Variants in PAPOLA observed in about 807,000 individuals in gnomAD.
PAPOLA encodes the protein poly(A) polymerase alpha.
PAPOLA carries 15 observed loss-of-function variants against 100.6 expected under a neutral mutation model. The observed-to-expected ratio is 0.15, with a 90% CI of 0.10 to 0.23. The LOEUF is 0.23. Among genes scored for constraint, PAPOLA ranks in the 10% least tolerant of loss-of-function variants. The pLI, the probability that PAPOLA is intolerant of heterozygous loss-of-function variation, is 1.00. For synonymous variants in PAPOLA, 293 were observed against 300.0 expected, an observed-to-expected ratio of 0.98 and a Z score of 0.24; for missense variants, 533 against 884.2, an observed-to-expected ratio of 0.60 and a Z score of 5.04.
intron 3 of PAPOLA, among the ~76,000 whole-genome samples, chr14:96,524,213 T>C (rs752431721): frequency 4.6e-5 from 7 of 152,068 alleles, no homozygotes; most frequent in Non-Finnish European, 7.4e-5. Flanking sequence ...CTTCATAAAA[T>C]TGTTTTTGTT....
intron 4 of PAPOLA, among the ~76,000 whole-genome samples, 161 bp downstream of exon 4, chr14:96,525,552 C>T (rs1480202417): frequency 6.6e-6 from 1 of 152,078 alleles, no homozygotes; most frequent in Non-Finnish European, 1.5e-5. Flanking sequence ...TAAAATAATG[C>T]TGACTTCTAT....
intron 1 of PAPOLA, among the ~76,000 whole-genome samples, chr14:96,512,566 T>C (rs939995461): frequency 1.3e-5 from 2 of 152,198 alleles, no homozygotes; most frequent in African/African-American, 2.4e-5. Context: ...TTGGGAATAA[T>C]GTAAAGTGCT....
chr14:96,531,482 T>C lies in PAPOLA; in HGVS notation c.503T>C (p.Ile168Thr), dbSNP rs1899012141. The change falls in exon 7 of 22, where the codon ATT (isoleucine) becomes ACT (threonine). Residue 168 changes from isoleucine to threonine, a missense_variant. Coordinates refer to ENST00000216277, the MANE Select transcript of PAPOLA (RefSeq NM_032632.5). ...GTTTTGTTTGTGTTTCAGATTGATATTTTGTTTGCAAGATTAGCACTGCAG... is the reference window on the plus strand; with the variant it reads ...GTTTTGTTTGTGTTTCAGATTGATACTTTGTTTGCAAGATTAGCACTGCAG... ...KLCFDGIEIDILFARLALQTI... is the reference protein window; with the variant it reads ...KLCFDGIEIDTLFARLALQTI... 6.2e-7 allele frequency: 1 copy of C among 1,602,440 alleles called. No homozygotes were observed. The highest frequency in any genetic ancestry group is 1.7e-5 in the Admixed American group (1 of 58,652).
intron 5 of PAPOLA, 101 bp from the exon 6 acceptor site, chr14:96,527,852 A>T: frequency 4.9e-6 from 4 of 821,830 alleles, no homozygotes; most frequent in Non-Finnish European, 8.7e-6. Flanking sequence ...CCAGTCTTAA[A>T]GCTAGCTATT....
intron 12 of PAPOLA, 140 bp from the exon 13 acceptor site, chr14:96,542,103 T>TA: frequency 2.0e-6 from 1 of 495,690 alleles, no homozygotes; most frequent in Non-Finnish European, 3.7e-6. Context: ...TATATGATTT[T>TA]ATGTGCATAT....
chr14:96,556,508 A>C (rs1250955927), intron 19 of PAPOLA, 95 bp downstream of exon 19: 10 of 831,234 alleles, frequency 1.2e-5, no homozygotes, highest in Middle Eastern at 3.1e-4. Context: ...AAAATAGAGA[A>C]GGATCAAGGA....
Position 96,532,942 on chromosome 14 carries a change from A to G in PAPOLA, c.836+293A>G, listed in dbSNP as rs893575457. On this transcript the variant is annotated intron_variant, in intron 9 of 21. Transcript: ENST00000216277. ...ATCCAATTTATTGATAGGTTGGGAAATCAGTTACTATACTTTTGGATAAAA... is the reference window on the plus strand; with the variant it reads ...ATCCAATTTATTGATAGGTTGGGAAGTCAGTTACTATACTTTTGGATAAAA... 1.8e-5 allele frequency: 20 copies of G among 1,083,774 alleles called. No homozygotes were observed. The highest frequency in any genetic ancestry group is 4.1e-4 in the Middle Eastern group (1 of 2,416). The allele number at this position is 1,083,774 out of a possible 1,614,324, so 67.1% of individuals were successfully genotyped here. A position where few individuals can be genotyped will look rare whatever the true frequency, so the allele number is the denominator to read the frequency against.
At chr14:96,534,656 A>T (rs1899361788) in intron 10 of PAPOLA, 93 bp downstream of exon 10, 3 of 1,598,332 alleles carry the variant, frequency 1.9e-6, no homozygotes, top group Admixed American at 1.7e-5. Context: ...CCAGCCTTTT[A>T]CTTATGAATG....
chr14:96,532,858 A>T, intron 9 of PAPOLA: 10 of 1,283,468 alleles, frequency 7.8e-6, no homozygotes, highest in Non-Finnish European at 9.8e-6. Flanking sequence ...GGCAGATTCT[A>T]TTTGTACTTC....
chr14:96,517,263 T>C (rs1245946303), intron 1 of PAPOLA, among the ~76,000 whole-genome samples: 1 of 152,208 alleles, frequency 6.6e-6, no homozygotes, highest in African/African-American at 2.4e-5. Flanking sequence ...TGAAGGACTG[T>C]AGTTTATTCA....
At chr14:96,512,915 T>C (rs772217681) in intron 1 of PAPOLA, among the ~76,000 whole-genome samples, 3 of 152,194 alleles carry the variant, frequency 2.0e-5, no homozygotes, top group Non-Finnish European at 4.4e-5. Flanking sequence ...CCAAAGAAGC[T>C]CCCTTTTTAG....
intron 10 of PAPOLA, chr14:96,534,885 T>C: frequency 9.5e-7 from 1 of 1,052,704 alleles, no homozygotes; most frequent in African/African-American, 1.7e-5. Flanking sequence ...AAAAGGATAC[T>C]AAAAATCCCT....
Position 96,566,434 on chromosome 14 carries a change from C to T in PAPOLA, c.*1384C>T, listed in dbSNP as rs1902280401. The T allele has an allele frequency of 6.6e-6, 1 of 152,582 alleles. No individual in the cohort carries two copies. Among genetic ancestry groups the T allele is most frequent in the Admixed American group, 6.6e-5 (1 of 15,264 alleles). 9.5% of individuals were successfully genotyped at this position (152,582 alleles called of 1,614,324 possible). ...TAAACTTACTCTTTCTGAATCTGGA[C>T]AAAGTCGACTTAACAGATTTTTCTG... On this transcript the variant is annotated 3_prime_UTR_variant, in exon 22 of 22. Transcript: ENST00000216277.
rs559956468 is a variant in PAPOLA, at chr14:96,532,176, A to C, written c.608-155A>C. 40 of 1,402,404 alleles carry C rather than the reference A, an allele frequency of 2.9e-5. No homozygotes were observed. The African/African-American group carries it at 5.5e-4, about 19-fold the overall frequency. The allele number at this position is 1,402,404 out of a possible 1,614,324, so 86.9% of individuals were successfully genotyped here. On this transcript the variant is annotated intron_variant, in intron 7 of 21. Coordinates refer to ENST00000216277, the MANE Select transcript of PAPOLA (RefSeq NM_032632.5). ...TTATTGAATTAGCTTTACTGGTTCT[A>C]CCAAATAAAAATTTATGTTTACTTT...
At chr14:96,557,972 G>C (rs1901503250) in intron 19 of PAPOLA, among the ~76,000 whole-genome samples, 1 of 151,868 alleles carries the variant, frequency 6.6e-6, no homozygotes, top group Non-Finnish European at 1.5e-5. Flanking sequence ...ATTTTTCTAA[G>C]TATTTTTGAT....
intron 16 of PAPOLA, among the ~76,000 whole-genome samples, chr14:96,552,101 G>A (rs1185962288): frequency 6.6e-6 from 1 of 152,060 alleles, no homozygotes; most frequent in African/African-American, 2.4e-5. Flanking sequence ...AGTCATTGTA[G>A]TCCCATGTTT....
intron 6 of PAPOLA, 56 bp from the exon 7 acceptor site, chr14:96,531,419 G>T: frequency 7.5e-7 from 1 of 1,338,892 alleles, no homozygotes; most frequent in Non-Finnish European, 1.0e-6. Context: ...TTTTTTCATA[G>T]AAATGCCTTA....
intron 9 of PAPOLA, chr14:96,533,536 G>A (rs961304433): frequency 2.0e-5 from 9 of 460,752 alleles, no homozygotes; most frequent in Non-Finnish European, 2.5e-5. Context: ...ATTAAAGAAT[G>A]TCAGAATTTC....
chr14:96,510,081 A>T (rs528321628), intron 1 of PAPOLA, among the ~76,000 whole-genome samples: 59 of 150,492 alleles, frequency 3.9e-4, no homozygotes, highest in African/African-American at 1.2e-3. Flanking sequence ...GCATTCTGTT[A>T]GATTTCTTTC....
Sources: gnomAD v4.1 joint callset for allele counts (sites outside exome capture counted in the v4.1 genomes callset) on GRCh38, gnomAD v4.1.1 for gene constraint, MANE v1.5 for transcripts, NCBI Gene and HGNC (gene_info 2026-07-23, HGNC 2026-07-21) for gene names.